Variants in IL7R observed in about 807,000 individuals in gnomAD.
The protein encoded by IL7R is interleukin-7 receptor subunit alpha.
IL7R carries 38 observed loss-of-function variants against 47.0 expected under a neutral mutation model. That is an observed-to-expected ratio of 0.81 (90% CI 0.62 to 1.06). The LOEUF (loss-of-function observed/expected upper bound fraction) is 1.06. Ranked by LOEUF, IL7R falls within the 50% of genes least tolerant of loss-of-function variation. The pLI, the probability that IL7R is intolerant of heterozygous loss-of-function variation, is 0.00. For synonymous variants in IL7R, 221 were observed against 199.8 expected (o/e 1.11, Z -0.89); for missense variants, 633 against 534.8 (o/e 1.18, Z -1.81).
chr5:35,872,719 A>T (rs1760100321), intron 4 of IL7R, among the ~76,000 whole-genome samples: 1 of 152,214 alleles, frequency 6.6e-6, no homozygotes, highest in South Asian at 2.1e-4. Flanking sequence ...CTACATAAAA[A>T]GTGGAGGTTT....
chr5:35,867,344 A>C lies in IL7R; in HGVS notation c.260A>C (p.Lys87Thr). 1 of 1,613,740 alleles carries C rather than the reference A, an allele frequency of 6.2e-7. No individual in the cohort carries two copies. Among genetic ancestry groups the C allele is most frequent in the Non-Finnish European group, 8.5e-7 (1 of 1,179,710 alleles). Residue 87 changes from lysine to threonine, a missense_variant, in exon 3 of 8, where the codon AAA becomes ACA. Physicochemically the swap from Lys to Thr is moderately conservative, Grantham distance 78. Coordinates refer to ENST00000303115, the MANE Select transcript of IL7R (RefSeq NM_002185.5). ...GAGGTAAAGTGCCTGAATTTCAGGA[A>C]ACTACAAGAGATATATTTCATCGAG... ...LVEVKCLNFR[K>T]LQEIYFIETK...
chr5:35,870,894 G>A (rs1247713476), intron 3 of IL7R, among the ~76,000 whole-genome samples, 162 bp from the exon 4 acceptor site: 5 of 152,142 alleles, frequency 3.3e-5, no homozygotes, highest in South Asian at 2.1e-4. Flanking sequence ...TGGAGAATGC[G>A]GACTGGATTT....
intron 1 of IL7R, among the ~76,000 whole-genome samples, chr5:35,858,906 G>A (rs919905055): frequency 1.3e-5 from 2 of 152,110 alleles, no homozygotes; most frequent in East Asian, 1.9e-4. Context: ...GAATTTAAAC[G>A]CACATCTGTC....
intron 2 of IL7R, among the ~76,000 whole-genome samples, chr5:35,864,851 T>C (rs975994028): frequency 6.6e-6 from 1 of 152,134 alleles, no homozygotes; most frequent in Non-Finnish European, 1.5e-5. Context: ...CTTTTATATG[T>C]AGTGCTTTTT....
chr5:35,875,333 T>A, intron 6 of IL7R, 179 bp from the exon 7 acceptor site: 1 of 667,620 alleles, frequency 1.5e-6, no homozygotes, highest in South Asian at 1.6e-5. Flanking sequence ...CCTCCTTGAA[T>A]TGATAGGGCC....
intron 1 of IL7R, among the ~76,000 whole-genome samples, chr5:35,857,646 C>T (rs923158802): frequency 1.3e-5 from 2 of 152,126 alleles, no homozygotes; most frequent in Non-Finnish European, 2.9e-5. Context: ...AGAGAAAGAT[C>T]TAAATGAGTT....
chr5:35,861,521 G>A (rs1759816387), intron 2 of IL7R, among the ~76,000 whole-genome samples: 1 of 152,098 alleles, frequency 6.6e-6, no homozygotes, highest in Admixed American at 6.6e-5. Context: ...ATTCCAAATA[G>A]TCGGCCAGTG....
intron 1 of IL7R, among the ~76,000 whole-genome samples, chr5:35,859,244 A>G (rs1467416047): frequency 6.6e-6 from 1 of 152,114 alleles, no homozygotes; most frequent in Non-Finnish European, 1.5e-5. Flanking sequence ...TGCTGTCTCT[A>G]TTGAAGAATC....
rs758728594 is a variant in IL7R, at chr5:35,877,634, G to T, written c.*1148G>T. 4.3e-6 allele frequency: 1 copy of T among 233,220 alleles called. No homozygotes were observed. Among genetic ancestry groups the T allele is most frequent in the Non-Finnish European group, 8.5e-6 (1 of 118,032 alleles). 14.4% of individuals were successfully genotyped at this position (233,220 alleles called of 1,614,324 possible). A position where few individuals can be genotyped will look rare whatever the true frequency, so the allele number is the denominator to read the frequency against. On this transcript the variant is annotated 3_prime_UTR_variant, in exon 8 of 8. Coordinates refer to ENST00000303115, the MANE Select transcript of IL7R (RefSeq NM_002185.5). Reference sequence around the variant, plus strand: ...CCCAACCTAAATTCATCCCTAAATTGTCCCAAGTTCTCCAGCAATAGAGGC... The same window carrying T: ...CCCAACCTAAATTCATCCCTAAATTTTCCCAAGTTCTCCAGCAATAGAGGC...
Position 35,876,212 on chromosome 5 carries a change from G to T in IL7R, c.1106G>T (p.Cys369Phe), listed in dbSNP as rs758381888. Residue 369 changes from cysteine (C) to phenylalanine (F), a missense_variant, in exon 8 of 8, where the codon TGC (cysteine) becomes TTC (phenylalanine). Coordinates refer to ENST00000303115, the MANE Select transcript of IL7R (RefSeq NM_002185.5). Reference protein sequence around the residue: ...ESFGRDSSLTCLAGNVSACDA... With the variant: ...ESFGRDSSLTFLAGNVSACDA... ...TTTGGAAGAGATTCATCCCTCACAT[G>T]CCTGGCTGGGAATGTCAGTGCATGT... 5.6e-6 allele frequency: 9 copies of T among 1,614,062 alleles called. No individual in the cohort carries two copies. The highest frequency in any genetic ancestry group is 6.8e-6 in the Non-Finnish European group (8 of 1,180,038).
rs2149906400 is a variant in IL7R at position 35,876,453 on chromosome 5, T to A, written c.1347T>A (p.Tyr449Ter). ...TSLGSNQEEAYVTMSSFYQNQ is the reference protein window; with the variant it reads ...TSLGSNQEEA ...TGGGATCAAATCAAGAAGAAGCATA[T>A]GTCACCATGTCCAGCTTCTACCAAA... Residue 449 changes from tyrosine (Y) to a stop codon, truncating the protein, a stop_gained, in exon 8 of 8, where the codon TAT becomes TAA. Coordinates refer to ENST00000303115, the MANE Select transcript of IL7R (RefSeq NM_002185.5). LOFTEE classifies it high-confidence loss of function. The A allele has an allele frequency of 6.2e-7, 1 of 1,605,682 alleles. No homozygotes were observed. The highest frequency in any genetic ancestry group is 8.5e-7 in the Non-Finnish European group (1 of 1,179,950).
chr5:35,879,315 C>T lies in IL7R; in HGVS notation c.*2829C>T, dbSNP rs1285720218. 4.3e-6 allele frequency: 1 copy of T among 232,700 alleles called. No homozygotes were observed. Among genetic ancestry groups the T allele is most frequent in the African/African-American group, 2.2e-5 (1 of 45,322 alleles). The allele number at this position is 232,700 out of a possible 1,614,324, so 14.4% of individuals were successfully genotyped here. A position where few individuals can be genotyped will look rare whatever the true frequency, so the allele number is the denominator to read the frequency against. The stretch of plus-strand genomic sequence containing the variant: ...AGTATGGGCTGTTCAGAGGTGCACA[C>T]CTGCATTTTCTTAGCTCTTCTAGAG... On this transcript the variant is annotated 3_prime_UTR_variant, in exon 8 of 8. Coordinates refer to ENST00000303115, the MANE Select transcript of IL7R (RefSeq NM_002185.5).
intron 4 of IL7R, among the ~76,000 whole-genome samples, chr5:35,872,567 A>C (rs1013347851): frequency 3.3e-5 from 5 of 152,250 alleles, no homozygotes; most frequent in African/African-American, 7.2e-5. Context: ...ACAAAATACC[A>C]GATGATTTAA....
chr5:35,878,805 G>A lies in IL7R; in HGVS notation c.*2319G>A. 4.3e-6 allele frequency: 1 copy of A among 232,946 alleles called. No homozygotes were observed. The highest frequency in any genetic ancestry group is 8.5e-6 in the Non-Finnish European group (1 of 117,926). 14.4% of individuals were successfully genotyped at this position (232,946 alleles called of 1,614,324 possible). A position where few individuals can be genotyped will look rare whatever the true frequency, so the allele number is the denominator to read the frequency against. ...CTGGGAGCCATAATTTTGTATCCCT[G>A]GTATAAATAGACAATCTCTTGAAGA... On this transcript the variant is annotated 3_prime_UTR_variant, in exon 8 of 8. Transcript: ENST00000303115.
chr5:35,862,029 C>T (rs1361385694), intron 2 of IL7R, among the ~76,000 whole-genome samples: 2 of 152,146 alleles, frequency 1.3e-5, no homozygotes, highest in South Asian at 2.1e-4. Context: ...TTTATGGGAG[C>T]TTCCTGCATC....
chr5:35,873,237 C>T (rs180810963), intron 4 of IL7R: 17 of 542,626 alleles, frequency 3.1e-5, no homozygotes, highest in Non-Finnish European at 3.0e-5. Flanking sequence ...GCCTAACTCA[C>T]CTGAATAAGA....
intron 6 of IL7R, among the ~76,000 whole-genome samples, chr5:35,874,907 C>G (rs1005428167): frequency 2.6e-5 from 4 of 152,196 alleles, no homozygotes; most frequent in African/African-American, 7.2e-5. Context: ...CTAATCCATG[C>G]TAAGGCTATG....
At chr5:35,865,968 G>C (rs1368489359) in intron 2 of IL7R, among the ~76,000 whole-genome samples, 1 of 152,156 alleles carries the variant, frequency 6.6e-6, no homozygotes, top group Non-Finnish European at 1.5e-5. Flanking sequence ...AATGGTGAAA[G>C]TGGATATTCC....
chr5:35,876,545 T>G lies in IL7R; in HGVS notation c.*59T>G. On this transcript the variant is annotated 3_prime_UTR_variant, in exon 8 of 8. Transcript: ENST00000303115. ...CGACAAAGATGATTTAAAAGGGAAG[T>G]CTAGAGTTCCTAGTCTCCCTCACAG... 1 of 1,575,028 alleles carries G rather than the reference T, an allele frequency of 6.3e-7. No homozygotes were observed. Among genetic ancestry groups the G allele is most frequent in the South Asian group, 1.1e-5 (1 of 90,062 alleles).
Sources: allele counts gnomAD v4.1 joint callset (sites outside exome capture counted in the v4.1 genomes callset), GRCh38; gene constraint gnomAD v4.1.1; transcripts MANE v1.5; gene names NCBI Gene and HGNC (gene_info 2026-07-23, HGNC 2026-07-21).